The following NRG3 variants were observed in gnomAD, a reference collection of about 807,000 sequenced individuals.
NRG3 encodes pro-neuregulin-3, membrane-bound isoform.
NRG3 carries 31 observed loss-of-function variants against 66.9 expected under a neutral mutation model. That is an observed-to-expected ratio of 0.46 (90% CI 0.35 to 0.63). The LOEUF (loss-of-function observed/expected upper bound fraction) is 0.63, where lower values mean the gene tolerates loss of function less well. NRG3 is among the 20% of genes least tolerant of loss of function. The pLI is 0.00. For missense variants in NRG3, 910 were observed against 878.9 expected, an observed-to-expected ratio of 1.04 and a Z score of -0.45; for synonymous variants, 393 against 359.4, an observed-to-expected ratio of 1.09 and a Z score of -1.06.
At chr10:81,996,633 G>A (rs1364617945) in intron 1 of NRG3, among the ~76,000 whole-genome samples, 1 of 152,072 alleles carries the variant, frequency 6.6e-6, no homozygotes, top group African/African-American at 2.4e-5. Context: ...TAGTGATAGT[G>A]CTGAATTCAT....
rs9664570 is a variant in NRG3, at chr10:82,172,827, G to A, written c.824-185912G>A. On this transcript the variant is annotated intron_variant, in intron 1 of 8. Coordinates refer to ENST00000372141, the MANE Select transcript of NRG3 (RefSeq NM_001010848.4). ...CATCCTAACACTGGCCTTGTGATGG[G>A]CCCTCCCTGTCTCCCTTCTTTTACA... Among the ~76,000 whole-genome samples, 625 of 152,132 alleles carry A rather than the reference G, an allele frequency of 4.1e-3. 6 individuals carry two copies. The highest frequency in any genetic ancestry group is 0.014 in the African/African-American group (583 of 41,502).
At chr10:82,533,642 G>T (rs1336620651) in intron 2 of NRG3, among the ~76,000 whole-genome samples, 1 of 152,004 alleles carries the variant, frequency 6.6e-6, no homozygotes, top group South Asian at 2.1e-4. Context: ...TATACTCAAT[G>T]GTGAAAAACA....
intron 1 of NRG3, among the ~76,000 whole-genome samples, chr10:82,353,609 C>A (rs1168846180): frequency 1.3e-5 from 2 of 152,162 alleles, no homozygotes; most frequent in East Asian, 3.9e-4. Context: ...AATAAGAAAA[C>A]ACATTAAACT....
intron 4 of NRG3, among the ~76,000 whole-genome samples, chr10:82,910,389 A>G (rs1234833636): frequency 1.3e-5 from 2 of 152,252 alleles, no homozygotes; most frequent in Admixed American, 1.3e-4. Context: ...TGCCAAGGAC[A>G]GAATAACTGC....
At chr10:82,468,722 G>A (rs1642147895) in intron 2 of NRG3, among the ~76,000 whole-genome samples, 1 of 152,136 alleles carries the variant, frequency 6.6e-6, no homozygotes, top group Admixed American at 6.5e-5. Flanking sequence ...AATATCAGCA[G>A]GCACTTTAGA....
rs552535112 is a variant in NRG3 at position 82,238,720 on chromosome 10, C to A, written c.824-120019C>A. ...TTTATTTACTTGATGCTAGTTTCCA[C>A]TTTTTTGATTAAACATTCTATTTTT... On this transcript the variant is annotated intron_variant, in intron 1 of 8. Coordinates refer to ENST00000372141, the MANE Select transcript of NRG3 (RefSeq NM_001010848.4). Among the ~76,000 whole-genome samples, 3 of 151,950 alleles carry A rather than the reference C, an allele frequency of 2.0e-5. No homozygotes were observed. The South Asian group carries it at 6.2e-4, about 32-fold the overall frequency.
intron 2 of NRG3, among the ~76,000 whole-genome samples, chr10:82,618,012 C>T (rs1241399580): frequency 1.3e-5 from 2 of 152,140 alleles, no homozygotes; most frequent in Non-Finnish European, 2.9e-5. Context: ...ATCTATGTCC[C>T]CTGCCCACCT....
chr10:82,748,720 TCA>T (rs1196601644), intron 3 of NRG3, among the ~76,000 whole-genome samples: 2 of 150,832 alleles, frequency 1.3e-5, no homozygotes, highest in South Asian at 2.1e-4. Context: ...CAAATAATCC[TCA>T]CACAGTGTTG....
At chr10:82,840,999 G>A (rs1461568344) in intron 3 of NRG3, among the ~76,000 whole-genome samples, 2 of 152,096 alleles carry the variant, frequency 1.3e-5, no homozygotes, top group Non-Finnish European at 2.9e-5. Context: ...CCAAGTTAAG[G>A]TGGGATCATA....
Position 82,554,497 on chromosome 10 carries a change from A to T in NRG3, c.954-184080A>T, listed in dbSNP as rs1473765656. On this transcript the variant is annotated intron_variant, in intron 2 of 8. Coordinates refer to ENST00000372141, the MANE Select transcript of NRG3 (RefSeq NM_001010848.4). The stretch of plus-strand genomic sequence containing the variant: ...CAATGACTTCATAGTTTAAACTGGG[A>T]TAGAATCTCAAACTAGAAAAGGGCA... 2.0e-5 allele frequency among the ~76,000 whole-genome samples: 3 copies of T among 152,184 alleles called. No individual in the cohort carries two copies. In the East Asian group the frequency reaches 5.8e-4, roughly 29 times the overall value.
rs78153952 is a variant in NRG3 at position 82,303,479 on chromosome 10, G to T, written c.824-55260G>T. Among the ~76,000 whole-genome samples the T allele has an allele frequency of 2.5e-4, 38 of 152,208 alleles. 1 individual carries two copies. The East Asian group carries it at 4.3e-3, about 17-fold the overall frequency. ...TCCTTGAATATTGTCATCTGATGTGGTCAGTGACTGATAAAAATGTTTAAA... is the reference window on the plus strand; with the variant it reads ...TCCTTGAATATTGTCATCTGATGTGTTCAGTGACTGATAAAAATGTTTAAA... On this transcript the variant is annotated intron_variant, in intron 1 of 8. Coordinates refer to ENST00000372141, the MANE Select transcript of NRG3 (RefSeq NM_001010848.4).
intron 2 of NRG3, among the ~76,000 whole-genome samples, chr10:82,392,897 TA>T (rs200196213): frequency 3.0e-3 from 389 of 128,408 alleles, no homozygotes; most frequent in African/African-American, 0.013. Context: ...TATATATATA[TA>T]TTTTTTGCAG....
intron 1 of NRG3, among the ~76,000 whole-genome samples, chr10:82,294,593 A>T (rs548602044): frequency 6.6e-6 from 1 of 152,226 alleles, no homozygotes; most frequent in South Asian, 2.1e-4. Flanking sequence ...GTTACATATA[A>T]AGACAATGCA....
chr10:81,900,043 G>A (rs986718828), intron 1 of NRG3, among the ~76,000 whole-genome samples: 3 of 151,078 alleles, frequency 2.0e-5, no homozygotes, highest in Admixed American at 6.6e-5. Context: ...CGCCTCCCGT[G>A]TCCAAATGAT....
intron 1 of NRG3, among the ~76,000 whole-genome samples, chr10:81,996,111 A>G (rs1018702282): frequency 3.3e-5 from 5 of 152,214 alleles, no homozygotes; most frequent in African/African-American, 4.8e-5. Flanking sequence ...AACATGATGG[A>G]AATTTTTAAA....
At chr10:82,020,027 G>A (rs1431395581) in intron 1 of NRG3, among the ~76,000 whole-genome samples, 10 of 152,044 alleles carry the variant, frequency 6.6e-5, no homozygotes, top group South Asian at 2.1e-4. Context: ...TAATTGTGAT[G>A]TTAGGGTGTC....
chr10:82,249,511 T>C (rs1481336628), intron 1 of NRG3, among the ~76,000 whole-genome samples: 1 of 152,170 alleles, frequency 6.6e-6, no homozygotes, highest in Non-Finnish European at 1.5e-5. Context: ...GCAGATACTG[T>C]TGGATATTTG....
intron 3 of NRG3, among the ~76,000 whole-genome samples, chr10:82,803,187 G>A (rs12774310): frequency 6.6e-6 from 1 of 152,120 alleles, no homozygotes; most frequent in Non-Finnish European, 1.5e-5. Flanking sequence ...TCCAGTAAAG[G>A]CACCTGTGTT....
chr10:82,511,205 G>A (rs565429290), intron 2 of NRG3, among the ~76,000 whole-genome samples: 3 of 152,156 alleles, frequency 2.0e-5, no homozygotes, highest in African/African-American at 7.2e-5. Flanking sequence ...AGTTAAATCT[G>A]TTCTACATTG....
Sources: gnomAD v4.1 joint callset for allele counts (sites outside exome capture counted in the v4.1 genomes callset) on GRCh38, gnomAD v4.1.1 for gene constraint, MANE v1.5 for transcripts, NCBI Gene and HGNC (gene_info 2026-07-23, HGNC 2026-07-21) for gene names.